Variants in ATP10A observed in about 807,000 individuals in gnomAD.
The protein encoded by ATP10A is phospholipid-transporting ATPase VA.
In ATP10A, 111 loss-of-function variants were observed where a neutral mutation model predicts 147.8. That is an observed-to-expected ratio of 0.75 (90% CI 0.64 to 0.88). The LOEUF is 0.88. ATP10A is among the 40% of genes least tolerant of loss of function. The probability of loss-of-function intolerance (pLI) is 0.00; values close to 1 mark genes in which losing one functional copy is unlikely to be tolerated. For synonymous variants in ATP10A, 875 were observed against 841.6 expected (o/e 1.04, Z -0.69); for missense variants, 1,927 against 1,959.0 (o/e 0.98, Z 0.31).
In ATP10A at chr15:25,757,144, T is replaced by C. The variant is rs185968740; in HGVS notation, c.655-21003A>G. Among the ~76,000 whole-genome samples the C allele has an allele frequency of 3.9e-5, 6 of 152,330 alleles. No homozygotes were observed. In the East Asian group the frequency reaches 5.8e-4, roughly 15 times the overall value. ...AAGTTAAAATACTAAGCATTCATCA[T>C]TAACAATAAGTAAAAAGTTTATATA... On this transcript the variant is annotated intron_variant, in intron 2 of 20. Transcript: ENST00000555815.
chr15:25,723,081 G>T (rs1373717170), intron 6 of ATP10A, among the ~76,000 whole-genome samples: 1 of 152,188 alleles, frequency 6.6e-6, no homozygotes, highest in Non-Finnish European at 1.5e-5. Flanking sequence ...GGGTGCAGTG[G>T]CTCATGCCTG....
chr15:25,739,260 T>C (rs1887455161), intron 2 of ATP10A, among the ~76,000 whole-genome samples: 1 of 152,088 alleles, frequency 6.6e-6, no homozygotes, highest in Non-Finnish European at 1.5e-5. Context: ...AGTTCTAAGT[T>C]TCCAAAATTT....
At chr15:25,712,728 T>C (rs1901520362) in intron 10 of ATP10A, among the ~76,000 whole-genome samples, 1 of 151,910 alleles carries the variant, frequency 6.6e-6, no homozygotes, top group African/African-American at 2.4e-5. Flanking sequence ...CGCCCCGCGG[T>C]GGTCATCATC....
intron 12 of ATP10A, among the ~76,000 whole-genome samples, chr15:25,707,751 G>GC (rs1431433625): frequency 2.6e-4 from 39 of 152,324 alleles, no homozygotes; most frequent in African/African-American, 8.9e-4. Flanking sequence ...CGTGGCAGCT[G>GC]CTGTCTTGGG....
chr15:25,759,371 T>A (rs1888630343), intron 2 of ATP10A, among the ~76,000 whole-genome samples: 1 of 152,208 alleles, frequency 6.6e-6, no homozygotes, highest in Non-Finnish European at 1.5e-5. Flanking sequence ...AATAATTTTA[T>A]GTGTGATCAG....
chr15:25,856,132 G>A (rs1435240940), intron 1 of ATP10A, among the ~76,000 whole-genome samples: 1 of 152,132 alleles, frequency 6.6e-6, no homozygotes, highest in Non-Finnish European at 1.5e-5. Context: ...ACTGATATGG[G>A]TTGGCTCTCT....
chr15:25,789,094 G>C (rs1316877600), intron 1 of ATP10A, among the ~76,000 whole-genome samples: 2 of 152,102 alleles, frequency 1.3e-5, no homozygotes, highest in Non-Finnish European at 2.9e-5. Flanking sequence ...AAGTAGCTGG[G>C]ACGACAGGTG....
chr15:25,827,216 C>T (rs1245790222), intron 1 of ATP10A, among the ~76,000 whole-genome samples: 4 of 152,134 alleles, frequency 2.6e-5, no homozygotes, highest in Non-Finnish European at 5.9e-5. Flanking sequence ...CCCAGATAAA[C>T]AAAAACAGAG....
chr15:25,785,418 C>A (rs28376392), intron 1 of ATP10A, among the ~76,000 whole-genome samples: 2 of 152,172 alleles, frequency 1.3e-5, no homozygotes, highest in East Asian at 1.9e-4. Flanking sequence ...GACTTCCAGG[C>A]TCCAGAACTG....
chr15:25,731,532 ACCAC>A (rs554889451), intron 3 of ATP10A, among the ~76,000 whole-genome samples: 157 of 152,262 alleles, frequency 1.0e-3, no homozygotes, highest in Non-Finnish European at 1.9e-3. Context: ...TTCAGAGGTG[ACCAC>A]ATGCCATAAA....
intron 2 of ATP10A, among the ~76,000 whole-genome samples, chr15:25,742,186 C>G (rs1887615773): frequency 6.6e-6 from 1 of 152,222 alleles, no homozygotes; most frequent in South Asian, 2.1e-4. Context: ...TGACGTGGTT[C>G]TCGTCTCCAC....
chr15:25,805,811 C>T (rs962534731), intron 1 of ATP10A, among the ~76,000 whole-genome samples: 1 of 152,124 alleles, frequency 6.6e-6, no homozygotes. Flanking sequence ...AAAAAGTAAA[C>T]CTGTAATTCC....
chr15:25,711,976 G>A (rs1022696905), intron 10 of ATP10A, among the ~76,000 whole-genome samples: 8 of 152,296 alleles, frequency 5.3e-5, no homozygotes, highest in African/African-American at 1.9e-4. Context: ...GGCCTCTGGA[G>A]GCCAGGCCAC....
At chr15:25,770,350 G>A (rs1025864572) in intron 2 of ATP10A, among the ~76,000 whole-genome samples, 1 of 152,194 alleles carries the variant, frequency 6.6e-6, no homozygotes, top group African/African-American at 2.4e-5. Context: ...GGGGCTTCAC[G>A]GCCAGGCCCT....
chr15:25,681,012 G>A lies in ATP10A; in HGVS notation c.3555C>T (p.Cys1185=). The A allele has an allele frequency of 6.2e-7, 1 of 1,614,156 alleles. No homozygotes were observed. The highest frequency in any genetic ancestry group is 8.5e-7 in the Non-Finnish European group (1 of 1,180,006). Reference sequence around the variant, plus strand: ...AACTTACCAGGTAAGGAATGGAAAAGCAAACCAGGCTCTGGAAGGCGGCGT... The same window carrying A: ...AACTTACCAGGTAAGGAATGGAAAAACAAACCAGGCTCTGGAAGGCGGCGT... The part of the protein sequence containing the change: ...MADAAFQSLV[C]FSIPYLAYYD... The change falls in exon 18 of 21, where the codon TGC becomes TGT. Residue 1185 remains cysteine, a synonymous_variant. Transcript: ENST00000555815.
chr15:25,855,135 C>T (rs1483057743), intron 1 of ATP10A, among the ~76,000 whole-genome samples: 4 of 151,494 alleles, frequency 2.6e-5, no homozygotes, highest in African/African-American at 9.7e-5. Flanking sequence ...TCTATGAGAC[C>T]AGTATAGTAC....
At chr15:25,863,749 C>A (rs1238619478), upstream of ATP10A, 1 of 152,178 alleles carries the variant, frequency 6.6e-6, no homozygotes, top group African/African-American at 2.4e-5. Flanking sequence ...ATTTTTAAGT[C>A]TTTTTTACGC....
At position 25,688,871 on chromosome 15, in the gene ATP10A, C is replaced by A. The variant is rs141858340; in HGVS notation, c.3166-1043G>T. Among the ~76,000 whole-genome samples the A allele has an allele frequency of 6.2e-3, 947 of 152,292 alleles. 10 individuals are homozygous for A. Among genetic ancestry groups the A allele is most frequent in the African/African-American group, 0.022 (907 of 41,566 alleles). ...ACACATAGGGGCTTAAAAGGTTTTT[C>A]GTGTTCTGTAATGCTTTACCCATTA... On this transcript the variant is annotated intron_variant, in intron 15 of 20. Transcript: ENST00000555815.
intron 13 of ATP10A, among the ~76,000 whole-genome samples, chr15:25,700,222 A>G (rs1033048069): frequency 6.6e-6 from 1 of 152,236 alleles, no homozygotes; most frequent in Non-Finnish European, 1.5e-5. Context: ...CAGAAAAAAA[A>G]TCAATGACAA....
Sources: allele counts gnomAD v4.1 joint callset (sites outside exome capture counted in the v4.1 genomes callset), GRCh38; gene constraint gnomAD v4.1.1; transcripts MANE v1.5; gene names NCBI Gene and HGNC (gene_info 2026-07-23, HGNC 2026-07-21).